Variants in NRDE2 observed in about 807,000 individuals in gnomAD.
NRDE2 encodes NRDE-2, necessary for RNA interference, domain containing, also known as nuclear exosome regulator NRDE2.
A neutral mutation model predicts 124.2 loss-of-function variants in NRDE2; 76 were observed. The observed-to-expected ratio is 0.61, with a 90% confidence interval of 0.51 to 0.74. NRDE2 has a LOEUF of 0.74. NRDE2 is among the 30% of genes least tolerant of loss of function. The probability of loss-of-function intolerance (pLI) is 0.00; values close to 1 mark genes in which losing one functional copy is unlikely to be tolerated. For synonymous variants in NRDE2, 489 were observed against 528.1 expected, an observed-to-expected ratio of 0.93 and a Z score of 1.01; for missense variants, 1,314 against 1,417.3, an observed-to-expected ratio of 0.93 and a Z score of 1.17.
intron 1 of NRDE2, among the ~76,000 whole-genome samples, chr14:90,318,949 C>A (rs1295300906): frequency 6.6e-6 from 1 of 152,148 alleles, no homozygotes; most frequent in Non-Finnish European, 1.5e-5. Context: ...TAATAGTACT[C>A]TTCTTTGGAA....
At chr14:90,320,453 C>T (rs1885201961) in intron 1 of NRDE2, among the ~76,000 whole-genome samples, 5 of 152,206 alleles carry the variant, frequency 3.3e-5, no homozygotes, top group Admixed American at 3.3e-4. Flanking sequence ...CAATCACCTC[C>T]CACCAGTTCC....
chr14:90,287,889 G>A (rs903969494), intron 11 of NRDE2, among the ~76,000 whole-genome samples: 3 of 152,056 alleles, frequency 2.0e-5, no homozygotes, highest in Admixed American at 6.5e-5. Flanking sequence ...ACCTGGCCCC[G>A]GTGCTCTTAG....
intron 1 of NRDE2, among the ~76,000 whole-genome samples, chr14:90,330,199 T>G (rs1885619006): frequency 8.4e-6 from 1 of 118,824 alleles, no homozygotes; most frequent in African/African-American, 3.3e-5. Flanking sequence ...AGAGCAAGAC[T>G]TGGTCTCAAA....
At chr14:90,330,186 G>A (rs533498671) in intron 1 of NRDE2, among the ~76,000 whole-genome samples, 3 of 92,110 alleles carry the variant, frequency 3.3e-5, no homozygotes, top group East Asian at 3.1e-4. Context: ...CAGCTTGGGC[G>A]ACAGAGCAAG....
chr14:90,326,440 G>A (rs2139718154), intron 1 of NRDE2, among the ~76,000 whole-genome samples: 1 of 150,510 alleles, frequency 6.6e-6, no homozygotes, highest in South Asian at 2.1e-4. Context: ...CTTGCAGTGA[G>A]CCGAGATCGC....
intron 4 of NRDE2, 42 bp downstream of exon 4, chr14:90,312,352 C>A: frequency 1.9e-6 from 3 of 1,603,506 alleles, no homozygotes; most frequent in Non-Finnish European, 2.6e-6. Flanking sequence ...AGAAAAAAGT[C>A]ACTTTCCTAC....
In NRDE2 at chr14:90,298,240, T is replaced by A. The variant is rs766736806; in HGVS notation, c.1666+20A>T. The stretch of plus-strand genomic sequence containing the variant: ...TCCAGAAGAAACAGAAGTACACGTC[T>A]TCAATGAGAGGTGACTTACCTGGGT... On this transcript the variant is annotated intron_variant, in intron 8 of 13. Transcript: ENST00000354366. The A allele has an allele frequency of 1.9e-6, 3 of 1,611,812 alleles. No individual in the cohort carries two copies. In the African/African-American group the frequency reaches 4.0e-5, roughly 22 times the overall value.
intron 1 of NRDE2, among the ~76,000 whole-genome samples, chr14:90,328,257 G>A (rs528029567): frequency 4.2e-5 from 6 of 142,846 alleles, no homozygotes; most frequent in African/African-American, 1.6e-4. Flanking sequence ...CAGTGGGCCA[G>A]ATCTCACCAC....
At chr14:90,284,222 G>T (rs12884698) in intron 12 of NRDE2, among the ~76,000 whole-genome samples, 1 of 151,822 alleles carries the variant, frequency 6.6e-6, no homozygotes, top group African/African-American at 2.4e-5. Flanking sequence ...ACGGATACTC[G>T]CTCTGTATCT....
rs1243031599 is a variant in NRDE2 at position 90,286,360 on chromosome 14, G to A, written c.3291C>T (p.Asn1097=). The A allele has an allele frequency of 1.2e-6, 2 of 1,613,016 alleles. No homozygotes were observed. Among genetic ancestry groups the A allele is most frequent in the African/African-American group, 2.7e-5 (2 of 74,888 alleles). The change falls in exon 12 of 14, where the codon AAC becomes AAT. Residue 1097 remains asparagine (N), a synonymous_variant. Transcript: ENST00000354366. ...QCPLLWRMYL[N]FLVSLGNKER... Reference sequence around the variant, plus strand: ...CATCTCAATATTTTCTTACCAGAAAGTTCAAATACATCCTCCACAGCAAGG... The same window carrying A: ...CATCTCAATATTTTCTTACCAGAAAATTCAAATACATCCTCCACAGCAAGG...
chr14:90,294,411 C>T (rs1224562880), intron 8 of NRDE2, among the ~76,000 whole-genome samples: 1 of 152,020 alleles, frequency 6.6e-6, no homozygotes, highest in African/African-American at 2.4e-5. Flanking sequence ...CACCCATGTT[C>T]ATAGCAGCAT....
intron 8 of NRDE2, among the ~76,000 whole-genome samples, chr14:90,295,365 T>G (rs1164967566): frequency 6.6e-6 from 1 of 152,196 alleles, no homozygotes; most frequent in Non-Finnish European, 1.5e-5. Flanking sequence ...GCATAATGTA[T>G]ATATTAGCAT....
intron 4 of NRDE2, among the ~76,000 whole-genome samples, chr14:90,309,606 G>C (rs1940304936): frequency 6.6e-6 from 1 of 152,078 alleles, no homozygotes; most frequent in Non-Finnish European, 1.5e-5. Context: ...CTCCATCTGG[G>C]GGAGACAGAT....
rs370464506 is a variant in NRDE2, at chr14:90,277,220, C to G, written c.*1116G>C. The stretch of plus-strand genomic sequence containing the variant: ...CCCACCGTGCCCTGGGAGGTGCTCT[C>G]GTGCGCTGCCCTGCCTGCTGCTGCC... On this transcript the variant is annotated 3_prime_UTR_variant, in exon 14 of 14. Coordinates refer to ENST00000354366, the MANE Select transcript of NRDE2 (RefSeq NM_017970.4). 1.3e-5 allele frequency: 2 copies of G among 152,300 alleles called. No individual in the cohort carries two copies. The highest frequency in any genetic ancestry group is 3.9e-4 in the East Asian group (2 of 5,160). 9.4% of individuals were successfully genotyped at this position (152,300 alleles called of 1,614,324 possible). A position where few individuals can be genotyped will look rare whatever the true frequency, so the allele number is the denominator to read the frequency against.
At chr14:90,312,646 C>T in intron 3 of NRDE2, 103 bp from the exon 4 acceptor site, 2 of 1,074,520 alleles carry the variant, frequency 1.9e-6, no homozygotes, top group Admixed American at 1.8e-5. Context: ...CTTCAAACTC[C>T]ACATGGCATC....
chr14:90,321,603 G>A (rs1048752512), intron 1 of NRDE2, among the ~76,000 whole-genome samples: 1 of 150,120 alleles, frequency 6.7e-6, no homozygotes, highest in Non-Finnish European at 1.5e-5. Flanking sequence ...CTTGGGTTTT[G>A]AACATGAATC....
At chr14:90,322,367 G>A (rs1011397300) in intron 1 of NRDE2, among the ~76,000 whole-genome samples, 1 of 152,246 alleles carries the variant, frequency 6.6e-6, no homozygotes, top group East Asian at 1.9e-4. Flanking sequence ...TGAGGGCAGG[G>A]CCATGACTAT....
chr14:90,307,265 T>C (rs890570531), intron 4 of NRDE2, among the ~76,000 whole-genome samples: 27 of 152,226 alleles, frequency 1.8e-4, no homozygotes, highest in African/African-American at 6.5e-4. Context: ...TGTTCCATTG[T>C]ATGGATGTGC....
At position 90,272,183 on chromosome 14, in the gene NRDE2, C is replaced by A; in HGVS notation, c.*6153G>T. 1.4e-6 allele frequency: 2 copies of A among 1,465,412 alleles called. No individual in the cohort carries two copies. Among genetic ancestry groups the A allele is most frequent in the South Asian group, 2.5e-5 (2 of 80,144 alleles). The allele number at this position is 1,465,412 out of a possible 1,614,324, so 90.8% of individuals were successfully genotyped here. A position where few individuals can be genotyped will look rare whatever the true frequency, so the allele number is the denominator to read the frequency against. On this transcript the variant is annotated 3_prime_UTR_variant, in exon 14 of 14. Transcript: ENST00000354366. This position sits in a 1 kb window ranked among gnomAD's most constrained non-coding sequence, Gnocchi z 4.5. ...TGCTGGGATTACAGGTGTGAGCCACCGCGCCTGGCCTCAGAATAGGTTTTT... is the reference window on the plus strand; with the variant it reads ...TGCTGGGATTACAGGTGTGAGCCACAGCGCCTGGCCTCAGAATAGGTTTTT...
Sources: allele counts gnomAD v4.1 joint callset (sites outside exome capture counted in the v4.1 genomes callset), GRCh38; gene constraint gnomAD v4.1.1; non-coding constraint Gnocchi (gnomAD v3.1); transcripts MANE v1.5; gene names NCBI Gene and HGNC (gene_info 2026-07-23, HGNC 2026-07-21).